The following ABR variants were observed in gnomAD, a reference collection of about 807,000 sequenced individuals.
ABR encodes ABR activator of RhoGEF and GTPase.
Under a neutral mutation model 107.2 loss-of-function variants are expected in ABR, and 35 were observed. That is an observed-to-expected ratio of 0.33 (90% confidence interval 0.25 to 0.43). The LOEUF (loss-of-function observed/expected upper bound fraction) is 0.43. Ranked by LOEUF, ABR falls within the 20% of genes least tolerant of loss-of-function variation. The probability of loss-of-function intolerance (pLI) is 1.00; values close to 1 mark genes in which losing one functional copy is unlikely to be tolerated. For synonymous variants in ABR, 498 were observed against 462.0 expected, an observed-to-expected ratio of 1.08 and a Z score of -1.00; for missense variants, 815 against 1,115.2, an observed-to-expected ratio of 0.73 and a Z score of 3.83.
upstream of ABR, among the ~76,000 whole-genome samples, chr17:1,187,677 G>T (rs187929051): frequency 5.9e-3 from 905 of 152,148 alleles, 3 homozygotes; most frequent in Non-Finnish European, 0.011. Flanking sequence ...ATCAGCTGAG[G>T]TCAGGAGTTC....
chr17:1,218,746 T>C (rs1380329785), intron 1 of ABR, among the ~76,000 whole-genome samples: 1 of 152,212 alleles, frequency 6.6e-6, no homozygotes, highest in Admixed American at 6.5e-5. Flanking sequence ...GATGAGTCTG[T>C]TCTTTATGAT....
chr17:1,142,211 G>A (rs538093918), intron 1 of ABR, among the ~76,000 whole-genome samples: 1 of 152,254 alleles, frequency 6.6e-6, no homozygotes, highest in African/African-American at 2.4e-5. Flanking sequence ...AGCTCCCCAG[G>A]TGACTCTAAT....
At chr17:1,016,364 T>C (rs1283741119) in intron 16 of ABR, among the ~76,000 whole-genome samples, 2 of 150,400 alleles carry the variant, frequency 1.3e-5, no homozygotes, top group Admixed American at 1.3e-4. Context: ...TCGCCCAGGC[T>C]GGAGTGCAGT....
At chr17:1,161,650 G>T (rs963798017) in intron 1 of ABR, among the ~76,000 whole-genome samples, 3 of 151,558 alleles carry the variant, frequency 2.0e-5, no homozygotes, top group Admixed American at 2.0e-4. Flanking sequence ...CGCCTCCAGG[G>T]TTCAAACAAT....
Position 1,009,738 on chromosome 17 carries a change from G to A in ABR, c.2283C>T (p.Leu761=), listed in dbSNP as rs980611036. 3 of 1,614,052 alleles carry A rather than the reference G, an allele frequency of 1.9e-6. No individual in the cohort carries two copies. Among genetic ancestry groups the A allele is most frequent in the Non-Finnish European group, 1.7e-6 (2 of 1,180,038 alleles). ...AAKENCMMHL[L]RSLPDPNLIT... is the part of the protein sequence containing the mutation. ...TGAGGTTGGGGTCGGGCAGGGAGCG[G>A]AGCAGGTGCATCATGCAGTTTTCCT... Residue 761 remains leucine, a synonymous_variant, in exon 21 of 23, where the codon CTC becomes CTT. Coordinates refer to ENST00000302538, the MANE Select transcript of ABR (RefSeq NM_021962.5).
intron 10 of ABR, among the ~76,000 whole-genome samples, chr17:1,064,481 T>A (rs1354519452): frequency 9.6e-6 from 1 of 104,574 alleles, no homozygotes; most frequent in African/African-American, 3.5e-5. Context: ...GCTATGCATG[T>A]TCCTCTAGAC....
chr17:1,033,511 T>A (rs1319344067), intron 16 of ABR, among the ~76,000 whole-genome samples: 3 of 152,250 alleles, frequency 2.0e-5, no homozygotes, highest in Non-Finnish European at 4.4e-5. Context: ...TGTCACTCAC[T>A]GTGATGCCCT....
At chr17:1,144,597 A>AT (rs1268756402) in intron 1 of ABR, among the ~76,000 whole-genome samples, 3 of 151,710 alleles carry the variant, frequency 2.0e-5, no homozygotes, top group Non-Finnish European at 4.4e-5. Flanking sequence ...GCAAAAAAAA[A>AT]AAAAGGGGCA....
chr17:1,088,871 C>T lies in ABR; in HGVS notation c.531+2794G>A, dbSNP rs184767020. Among the ~76,000 whole-genome samples the T allele has an allele frequency of 1.4e-3, 210 of 146,070 alleles. 2 individuals are homozygous for T. Among genetic ancestry groups the T allele is most frequent in the East Asian group, 0.013 (61 of 4,848 alleles). ...CCCAAAGTGTTGCTGGGATTATAAG[C>T]GTGAGCCACTGTGCCCAGCCATTTT... On this transcript the variant is annotated intron_variant, in intron 4 of 22. Transcript: ENST00000302538.
chr17:1,113,288 T>TTG lies in ABR; in HGVS notation c.246+11894_246+11895insCA, dbSNP rs1314912530. On this transcript the variant is annotated intron_variant, in intron 2 of 22. Transcript: ENST00000302538. ...GAAACACCTATTGCGATTTTTTTTT[T>TTG]TTTTTTTTTTTTTTTTGAGACGGAG... Among the ~76,000 whole-genome samples the TTG allele has an allele frequency of 1.9e-4, 27 of 140,742 alleles. 1 individual carries two copies. In the Middle Eastern group the frequency reaches 0.011, roughly 55 times the overall value. 92.3% of individuals were successfully genotyped at this position (140,742 alleles called of 152,430 possible).
At chr17:1,068,374 G>T (rs2034934311) in intron 9 of ABR, among the ~76,000 whole-genome samples, 1 of 152,246 alleles carries the variant, frequency 6.6e-6, no homozygotes, top group South Asian at 2.1e-4. Flanking sequence ...GCCAGCCAGG[G>T]AGGGCTGAAG....
At chr17:1,184,448 C>T (rs980647136), upstream of ABR, among the ~76,000 whole-genome samples, 4 of 151,858 alleles carry the variant, frequency 2.6e-5, no homozygotes, top group African/African-American at 4.8e-5. Flanking sequence ...AGCAAGACTC[C>T]GTCTCAAAAA....
At chr17:1,190,746 G>GC (rs1284672509), upstream of ABR, among the ~76,000 whole-genome samples, 1 of 152,206 alleles carries the variant, frequency 6.6e-6, no homozygotes, top group Non-Finnish European at 1.5e-5. Context: ...GTCTGCTCTC[G>GC]CCGTCTGCTG....
chr17:1,153,951 C>A, intron 1 of ABR: 1 of 165,952 alleles, frequency 6.0e-6, no homozygotes, highest in Non-Finnish European at 1.3e-5. Flanking sequence ...CCCGCTCCAG[C>A]CTGCCAGGCG....
chr17:1,209,271 CTGTT>C (rs781020012), intron 1 of ABR, among the ~76,000 whole-genome samples: 76 of 147,596 alleles, frequency 5.1e-4, no homozygotes, highest in South Asian at 6.5e-4. Flanking sequence ...CTCTTTTAAC[CTGTT>C]TGTTTCTTTC....
chr17:1,161,590 T>A (rs993882333), intron 1 of ABR, among the ~76,000 whole-genome samples: 1 of 147,082 alleles, frequency 6.8e-6, no homozygotes, highest in Non-Finnish European at 1.5e-5. Flanking sequence ...GGTCTCACTC[T>A]GTAGCCCAGG....
intron 1 of ABR, among the ~76,000 whole-genome samples, chr17:1,143,570 G>A (rs2040406740): frequency 6.6e-6 from 1 of 151,950 alleles, no homozygotes; most frequent in Non-Finnish European, 1.5e-5. Context: ...TGTTGCAGGA[G>A]TTGTTTGCTC....
chr17:1,221,893 A>G (rs2043126436), intron 1 of ABR, among the ~76,000 whole-genome samples: 1 of 152,206 alleles, frequency 6.6e-6, no homozygotes, highest in Non-Finnish European at 1.5e-5. Flanking sequence ...GAGTAGGGAC[A>G]GCGGTAAGTA....
rs191065487 is a variant in ABR at position 1,170,561 on chromosome 17, C to T, written c.61+9106G>A. Among the ~76,000 whole-genome samples the T allele has an allele frequency of 2.2e-3, 337 of 152,188 alleles. 3 individuals are homozygous for T. The highest frequency in any genetic ancestry group is 7.7e-3 in the African/African-American group (320 of 41,508). ...AAGCAATTCTCCTACCTCAGCCTCCCGAGTAGCTGGGATTCTAGGTGCCTG... is the reference window on the plus strand; with the variant it reads ...AAGCAATTCTCCTACCTCAGCCTCCTGAGTAGCTGGGATTCTAGGTGCCTG... On this transcript the variant is annotated intron_variant, in intron 1 of 22. Coordinates refer to ENST00000302538, the MANE Select transcript of ABR (RefSeq NM_021962.5).
Sources: gnomAD v4.1 joint callset for allele counts (sites outside exome capture counted in the v4.1 genomes callset) on GRCh38, gnomAD v4.1.1 for gene constraint, MANE v1.5 for transcripts, NCBI Gene and HGNC (gene_info 2026-07-23, HGNC 2026-07-21) for gene names.